Variants in RBPJ observed in about 807,000 individuals in gnomAD.
The protein encoded by RBPJ is recombining binding protein suppressor of hairless.
In RBPJ, 9 loss-of-function variants were observed where a neutral mutation model predicts 67.8. The observed-to-expected ratio is 0.13, with a 90% confidence interval of 0.08 to 0.23. The LOEUF is 0.23. Ranked by LOEUF, RBPJ falls within the 10% of genes least tolerant of loss-of-function variation. RBPJ has a pLI of 1.00. For missense variants in RBPJ, 305 were observed against 595.6 expected (o/e 0.51, Z 5.08); for synonymous variants, 198 against 203.3 (o/e 0.97, Z 0.22).
chr4:26,349,087 T>TGCGCGC (rs201817822), intron 1 of RBPJ, among the ~76,000 whole-genome samples: 207 of 67,702 alleles, frequency 3.1e-3, no homozygotes, highest in Admixed American at 6.6e-3. Context: ...TGTGTGTGTG[T>TGCGCGC]GCGCGCGCGC....
intron 3 of RBPJ, among the ~76,000 whole-genome samples, chr4:26,412,432 A>G (rs1307396968): frequency 3.3e-5 from 5 of 152,032 alleles, no homozygotes; most frequent in African/African-American, 9.7e-5. Context: ...GTGTTTTGCT[A>G]TGTTGGCCGG....
At chr4:26,428,909 T>C (rs1199074975) in intron 8 of RBPJ, 49 bp downstream of exon 8, 2 of 1,448,654 alleles carry the variant, frequency 1.4e-6, no homozygotes, top group Admixed American at 3.8e-5. Context: ...AACTGTGAGG[T>C]TAGCAGCTTG....
intron 1 of RBPJ, among the ~76,000 whole-genome samples, chr4:26,258,709 G>A (rs1468025089): frequency 6.6e-6 from 1 of 151,962 alleles, no homozygotes; most frequent in Non-Finnish European, 1.5e-5. Context: ...AAGAACTGAG[G>A]GTTTCGGGAA....
intron 2 of RBPJ, among the ~76,000 whole-genome samples, chr4:26,387,668 G>T (rs1263337636): frequency 6.6e-6 from 1 of 152,144 alleles, no homozygotes; most frequent in Non-Finnish European, 1.5e-5. Context: ...ATCTACAGAG[G>T]TTTCCTTTCA....
the RBPJ span, among the ~76,000 whole-genome samples, chr4:26,139,533 G>A: frequency 2.8e-4 from 43 of 152,340 alleles, no homozygotes; most frequent in East Asian, 1.9e-4. Flanking sequence ...GTGAAGCTGT[G>A]TCCCCCCTGG....
At chr4:26,416,951 A>G (rs549112878) in intron 4 of RBPJ, among the ~76,000 whole-genome samples, 33 of 152,350 alleles carry the variant, frequency 2.2e-4, no homozygotes, top group African/African-American at 7.5e-4. Flanking sequence ...ACTTATTACA[A>G]TAAAGATTGT....
chr4:26,237,090 G>A lies in RBPJ; in HGVS notation c.-167+73476G>A, dbSNP rs568324056. Among the ~76,000 whole-genome samples, 37 of 152,244 alleles carry A rather than the reference G, an allele frequency of 2.4e-4. 1 individual carries two copies. The highest frequency in any genetic ancestry group is 3.4e-4 in the African/African-American group (14 of 41,544). ...ATGAAGCAAATGACATCTGGGTGCC[G>A]GGCTCCTGAGTACCAACAGCAGCTG... On this transcript the variant is annotated intron_variant, in intron 1 of 4. Transcript: ENST00000512351.
chr4:26,398,708 C>T (rs754553988), intron 2 of RBPJ, among the ~76,000 whole-genome samples: 3 of 152,132 alleles, frequency 2.0e-5, no homozygotes, highest in Non-Finnish European at 2.9e-5. Flanking sequence ...CTGCCTTCCA[C>T]GTTCAAGTGC....
At chr4:26,274,900 T>G (rs1001625266) in intron 1 of RBPJ, among the ~76,000 whole-genome samples, 1 of 151,162 alleles carries the variant, frequency 6.6e-6, no homozygotes, top group South Asian at 2.1e-4. Context: ...CGCCATTGCA[T>G]GATCCTAGCC....
At chr4:26,173,860 C>T (rs942201972) in intron 1 of RBPJ, among the ~76,000 whole-genome samples, 1 of 152,108 alleles carries the variant, frequency 6.6e-6, no homozygotes, top group Non-Finnish European at 1.5e-5. Flanking sequence ...CAGCCGGAGC[C>T]CTGTGAAGGA....
chr4:26,154,833 G>C, the RBPJ span, among the ~76,000 whole-genome samples: 54 of 152,252 alleles, frequency 3.5e-4, no homozygotes, highest in African/African-American at 1.3e-3. Flanking sequence ...GAGGTGCCAG[G>C]CTCCTTTTAA....
chr4:26,266,861 A>G (rs1355309649), intron 1 of RBPJ, among the ~76,000 whole-genome samples: 3 of 152,214 alleles, frequency 2.0e-5, no homozygotes, highest in African/African-American at 7.2e-5. Flanking sequence ...CACAATTCCC[A>G]GGCAAAATTG....
At chr4:26,282,130 C>T (rs1560242648) in intron 1 of RBPJ, among the ~76,000 whole-genome samples, 1 of 75,620 alleles carries the variant, frequency 1.3e-5, no homozygotes, top group Non-Finnish European at 3.0e-5. Flanking sequence ...AATCCTCTCT[C>T]TCTCTCTTTT....
chr4:26,410,843 TAA>T (rs1733939201), intron 3 of RBPJ, among the ~76,000 whole-genome samples: 1 of 152,146 alleles, frequency 6.6e-6, no homozygotes, highest in Non-Finnish European at 1.5e-5. Flanking sequence ...TCTCTGAAAA[TAA>T]AGACAACTGT....
Position 26,258,794 on chromosome 4 carries a change from AT to A in RBPJ, c.-167+95183del, listed in dbSNP as rs1720432498. Among the ~76,000 whole-genome samples the A allele has an allele frequency of 9.5e-4, 5 of 5,256 alleles. No individual in the cohort carries two copies. The Admixed American group carries it at 0.019, about 20-fold the overall frequency. The allele number at this position is 5,256 out of a possible 152,430, so 3.4% of individuals were successfully genotyped here. The stretch of plus-strand genomic sequence containing the variant: ...TGTGCCCTTTAAACATTTTTTTATT[AT>A]TTATTTATTTATTTATTTATTTATT... On this transcript the variant is annotated intron_variant, in intron 1 of 4. Coordinates refer to the RBPJ transcript ENST00000512351.
At chr4:26,274,742 C>T (rs1443815327) in intron 1 of RBPJ, among the ~76,000 whole-genome samples, 1 of 152,126 alleles carries the variant, frequency 6.6e-6, no homozygotes, top group East Asian at 1.9e-4. Context: ...TCAAGACCAG[C>T]CTGCTCAACA....
chr4:26,222,838 T>G (rs1002085661), intron 1 of RBPJ, among the ~76,000 whole-genome samples: 1 of 151,956 alleles, frequency 6.6e-6, no homozygotes, highest in African/African-American at 2.4e-5. Flanking sequence ...CCTTTGATGT[T>G]TCCTCAATAG....
chr4:26,214,635 AAAAG>A (rs1319111387), intron 1 of RBPJ, among the ~76,000 whole-genome samples: 5 of 62,452 alleles, frequency 8.0e-5, no homozygotes, highest in African/African-American at 4.8e-4. Flanking sequence ...AAGAGAAAGA[AAAAG>A]AAAAAAGAAA....
chr4:26,160,740 C>T (rs1300398166), upstream of RBPJ, among the ~76,000 whole-genome samples: 6 of 152,140 alleles, frequency 3.9e-5, no homozygotes, highest in African/African-American at 1.4e-4. Context: ...TCACATCCAA[C>T]TTCCAAGAAA....
Sources: gnomAD v4.1 joint callset for allele counts (sites outside exome capture counted in the v4.1 genomes callset) on GRCh38, gnomAD v4.1.1 for gene constraint, MANE v1.5 for transcripts, NCBI Gene and HGNC (gene_info 2026-07-23, HGNC 2026-07-21) for gene names.